Variants in GALNTL5 observed in about 807,000 individuals in gnomAD.
GALNTL5 encodes inactive polypeptide N-acetylgalactosaminyltransferase-like protein 5.
Under a neutral mutation model 51.0 loss-of-function variants are expected in GALNTL5, and 44 were observed. The ratio of observed to expected loss-of-function variants is 0.86; its 90% confidence interval spans 0.68 to 1.11. GALNTL5 has a LOEUF of 1.11. Among genes scored for constraint, GALNTL5 ranks in the 50% least tolerant of loss-of-function variants. The pLI, the probability that GALNTL5 is intolerant of heterozygous loss-of-function variation, is 0.00. For missense variants in GALNTL5, 528 were observed against 531.8 expected (o/e 0.99, Z 0.07); for synonymous variants, 192 against 182.8 (o/e 1.05, Z -0.41).
At chr7:151,968,200 G>A (rs1210188368) in intron 2 of GALNTL5, among the ~76,000 whole-genome samples, 1 of 152,110 alleles carries the variant, frequency 6.6e-6, no homozygotes, top group Non-Finnish European at 1.5e-5. Context: ...TTGGAGAGCT[G>A]AGGTGGAAGG....
Position 151,967,398 on chromosome 7 carries a change from A to C in GALNTL5, c.152A>C (p.Lys51Thr), listed in dbSNP as rs1434459016. The C allele has an allele frequency of 6.2e-7, 1 of 1,614,040 alleles. No homozygotes were observed. Among genetic ancestry groups the C allele is most frequent in the African/African-American group, 1.3e-5 (1 of 74,918 alleles). ...EPLSAWSPGKKVHQQIIYGSE... is the reference protein window; with the variant it reads ...EPLSAWSPGKTVHQQIIYGSE... ...CTGTCAGCTTGGTCCCCTGGAAAAA[A>C]AGTGCATCAGCAAATTATCTATGGC... The change falls in exon 2 of 9, where the codon AAA (lysine) becomes ACA (threonine). Residue 51 changes from lysine to threonine, a missense_variant. Transcript: ENST00000392800.
chr7:152,014,773 G>A lies in GALNTL5; in HGVS notation c.1156G>A (p.Val386Ile), dbSNP rs143112253. The A allele has an allele frequency of 3.4e-4, 546 of 1,610,438 alleles. 9 individuals carry two copies. In the South Asian group the frequency reaches 5.1e-3, roughly 15 times the overall value. ...MTHNYLRLVH[V>I]WLDEYKEQFF... ...ACATAACTACCTAAGACTGGTGCAC[G>A]TTTGGCTGGATGAATATAAGGTGGG... The change falls in exon 8 of 9, where the codon GTT becomes ATT. Residue 386 changes from valine to isoleucine, a missense_variant. Transcript: ENST00000392800.
intron 3 of GALNTL5, among the ~76,000 whole-genome samples, chr7:151,981,048 A>G (rs553040769): frequency 6.6e-6 from 1 of 152,188 alleles, no homozygotes; most frequent in Admixed American, 6.5e-5. Flanking sequence ...CCCGGCCACA[A>G]TGATTTTTTT....
At position 152,007,898 on chromosome 7, in the gene GALNTL5, A is replaced by G; in HGVS notation, c.980A>G (p.Lys327Arg). The change falls in exon 7 of 9, where the codon AAG becomes AGG. Residue 327 changes from lysine (K) to arginine (R), a missense_variant. Physicochemically the swap from Lys to Arg is conservative, Grantham distance 26. Coordinates refer to ENST00000392800, the MANE Select transcript of GALNTL5 (RefSeq NM_145292.4). ...TTTAATGAAATTGGACAGTATGACA[A>G]GGATATGGATTTTTGGGGAAGAGAA... ...HYFNEIGQYD[K>R]DMDFWGRENL... 6.2e-7 allele frequency: 1 copy of G among 1,612,146 alleles called. No individual in the cohort carries two copies. Among genetic ancestry groups the G allele is most frequent in the Non-Finnish European group, 8.5e-7 (1 of 1,178,766 alleles).
At chr7:151,973,465 CAA>C (rs59709572) in intron 3 of GALNTL5, among the ~76,000 whole-genome samples, 62 of 144,484 alleles carry the variant, frequency 4.3e-4, no homozygotes, top group East Asian at 8.2e-4. Context: ...CTCCGTCTTA[CAA>C]AAAAAAAAAA....
intron 3 of GALNTL5, among the ~76,000 whole-genome samples, chr7:151,972,889 G>A (rs2081162223): frequency 1.3e-5 from 2 of 152,206 alleles, no homozygotes; most frequent in African/African-American, 2.4e-5. Context: ...TGGGGATAGA[G>A]ACACCAAACC....
intron 4 of GALNTL5, among the ~76,000 whole-genome samples, chr7:151,983,466 C>A (rs998517383): frequency 6.6e-6 from 1 of 152,124 alleles, no homozygotes; most frequent in Admixed American, 6.5e-5. Flanking sequence ...GTGTGAGCCA[C>A]GACGCCTGAC....
intron 1 of GALNTL5, among the ~76,000 whole-genome samples, chr7:151,961,333 C>A (rs968607634): frequency 2.2e-5 from 3 of 135,916 alleles, no homozygotes; most frequent in Non-Finnish European, 3.1e-5. Context: ...AAAACGCCAA[C>A]TCTACAAAAA....
intron 6 of GALNTL5, among the ~76,000 whole-genome samples, chr7:152,004,820 A>G (rs942263914): frequency 2.0e-5 from 3 of 152,100 alleles, no homozygotes. Context: ...TCCATTGTGT[A>G]TATATACCAC....
chr7:152,006,784 G>C (rs541040579), intron 6 of GALNTL5, among the ~76,000 whole-genome samples: 11 of 151,634 alleles, frequency 7.3e-5, no homozygotes, highest in African/African-American at 1.9e-4. Flanking sequence ...CTTTTTTTTG[G>C]GGGGGGCGGG....
intron 6 of GALNTL5, 151 bp downstream of exon 6, chr7:152,003,114 TATTGTTA>T (rs1379896654): frequency 1.7e-4 from 111 of 647,488 alleles, no homozygotes; most frequent in Non-Finnish European, 2.8e-4. Context: ...GTAATAGAAT[TATTGTTA>T]ATAGAATCAC....
rs1371189041 is a variant in GALNTL5, at chr7:151,983,076, C to G, written c.459C>G (p.Thr153=). The G allele has an allele frequency of 6.2e-7, 1 of 1,613,990 alleles. No homozygotes were observed. The highest frequency in any genetic ancestry group is 8.5e-7 in the Non-Finnish European group (1 of 1,179,996). ...AAGAATGTAATGCCTTGTTTCAGACCATGTCCAGTGTCACGAACCTCACGC... is the reference window on the plus strand; with the variant it reads ...AAGAATGTAATGCCTTGTTTCAGACGATGTCCAGTGTCACGAACCTCACGC... ...YNEECNALFQ[T]MSSVTNLTPH... The change falls in exon 4 of 9, where the codon ACC becomes ACG. Residue 153 remains threonine, a synonymous_variant. Coordinates refer to ENST00000392800, the MANE Select transcript of GALNTL5 (RefSeq NM_145292.4).
chr7:151,958,340 GGC>G (rs1313486111), intron 1 of GALNTL5, among the ~76,000 whole-genome samples: 3 of 152,154 alleles, frequency 2.0e-5, no homozygotes, highest in African/African-American at 7.2e-5. Flanking sequence ...TTCCACCTTG[GGC>G]ACCAGCATCT....
chr7:152,019,834 T>A lies in GALNTL5; in HGVS notation c.*33T>A. 6.4e-7 allele frequency: 1 copy of A among 1,573,850 alleles called. No individual in the cohort carries two copies. The highest frequency in any genetic ancestry group is 8.7e-7 in the Non-Finnish European group (1 of 1,150,912). ...ACAAATCACTTTCATTAATAAAGGGTTAAAAGTCTCCTAGTCATTCAACAT... is the reference window on the plus strand; with the variant it reads ...ACAAATCACTTTCATTAATAAAGGGATAAAAGTCTCCTAGTCATTCAACAT... On this transcript the variant is annotated 3_prime_UTR_variant, in exon 9 of 9. Transcript: ENST00000392800.
rs553076711 is a variant in GALNTL5 at position 151,958,475 on chromosome 7, C to T, written c.-40+1866C>T. ...TCTGAGCCCCCAAGGACTGTTACAG[C>T]TCTCTGTCTCCTTCCTGCCACCTGC... On this transcript the variant is annotated intron_variant, in intron 1 of 8. Coordinates refer to ENST00000392800, the MANE Select transcript of GALNTL5 (RefSeq NM_145292.4). Among the ~76,000 whole-genome samples, 8 of 152,326 alleles carry T rather than the reference C, an allele frequency of 5.3e-5. No homozygotes were observed. The South Asian group carries it at 1.2e-3, about 24-fold the overall frequency.
chr7:151,970,852 T>TA, intron 2 of GALNTL5, 93 bp from the exon 3 acceptor site: 2 of 1,058,340 alleles, frequency 1.9e-6, no homozygotes, highest in East Asian at 2.6e-5. Context: ...CTGGTTCTTT[T>TA]AAAAAATTGT....
chr7:151,999,004 C>G (rs957153202), intron 5 of GALNTL5, among the ~76,000 whole-genome samples: 1 of 152,202 alleles, frequency 6.6e-6, no homozygotes, highest in African/African-American at 2.4e-5. Flanking sequence ...AACTCCAAAA[C>G]ATTTTCATTA....
At chr7:152,016,693 C>G (rs915050159) in intron 8 of GALNTL5, among the ~76,000 whole-genome samples, 1 of 152,116 alleles carries the variant, frequency 6.6e-6, no homozygotes, top group Non-Finnish European at 1.5e-5. Context: ...ATCAACAGTA[C>G]AGTGGACAAC....
At chr7:152,000,417 C>G (rs560542822) in intron 5 of GALNTL5, among the ~76,000 whole-genome samples, 12 of 152,316 alleles carry the variant, frequency 7.9e-5, no homozygotes, top group African/African-American at 2.9e-4. Flanking sequence ...AAGGGAGGTC[C>G]TCAAAGTTGC....
Sources: gnomAD v4.1 joint callset for allele counts (sites outside exome capture counted in the v4.1 genomes callset) on GRCh38, gnomAD v4.1.1 for gene constraint, MANE v1.5 for transcripts, NCBI Gene and HGNC (gene_info 2026-07-23, HGNC 2026-07-21) for gene names.